Variants in NR6A1 observed in about 807,000 individuals in gnomAD.
NR6A1 encodes nuclear receptor subfamily 6 group A member 1.
Under a neutral mutation model 59.1 loss-of-function variants are expected in NR6A1, and 7 were observed. That is an observed-to-expected ratio of 0.12 (90% CI 0.07 to 0.22). The LOEUF (loss-of-function observed/expected upper bound fraction) is 0.22, where lower values mean the gene tolerates loss of function less well. Ranked by LOEUF, NR6A1 falls within the 10% of genes least tolerant of loss-of-function variation. The pLI is 1.00. For synonymous variants in NR6A1, 243 were observed against 236.1 expected, an observed-to-expected ratio of 1.03 and a Z score of -0.27; for missense variants, 468 against 611.6, an observed-to-expected ratio of 0.77 and a Z score of 2.48.
At chr9:124,579,884 C>T (rs1423194654) in intron 2 of NR6A1, among the ~76,000 whole-genome samples, 1 of 152,096 alleles carries the variant, frequency 6.6e-6, no homozygotes, top group African/African-American at 2.4e-5. Flanking sequence ...GTGGCGCGTG[C>T]CTGTAATCCA....
chr9:124,573,374 T>G (rs571633257), intron 2 of NR6A1, among the ~76,000 whole-genome samples: 1 of 152,322 alleles, frequency 6.6e-6, no homozygotes, highest in African/African-American at 2.4e-5. Flanking sequence ...ACCTCACAAC[T>G]ACATAACAGC....
intron 1 of NR6A1, among the ~76,000 whole-genome samples, chr9:124,739,220 A>C (rs1840108564): frequency 6.6e-6 from 1 of 151,850 alleles, no homozygotes; most frequent in African/African-American, 2.4e-5. Context: ...CGGCGAGGGT[A>C]TGGGTATGAA....
chr9:124,607,114 A>C (rs544579463), intron 2 of NR6A1: 40 of 152,340 alleles, frequency 2.6e-4, no homozygotes, highest in African/African-American at 9.4e-4. Flanking sequence ...CCATTCTCTC[A>C]AGCTCAGGAC....
rs1839134391 is a variant in NR6A1 at position 124,706,424 on chromosome 9, A to G, written c.142+26884T>C. On this transcript the variant is annotated intron_variant, in intron 2 of 9. Transcript: ENST00000487099. ...TGAAGAATTTCCTTTAGTATTTTAA[A>G]GCAGGTCCACTCACAATAAATTCTG... Among the ~76,000 whole-genome samples, 8 of 152,212 alleles carry G rather than the reference A, an allele frequency of 5.3e-5. No homozygotes were observed. In the South Asian group the frequency reaches 1.7e-3, roughly 32 times the overall value.
chr9:124,712,531 C>G (rs1239723994), intron 2 of NR6A1, among the ~76,000 whole-genome samples: 1 of 151,872 alleles, frequency 6.6e-6, no homozygotes, highest in Non-Finnish European at 1.5e-5. Context: ...TCGCCTGAAC[C>G]TGGGAGGCGA....
At chr9:124,526,716 G>A in intron 8 of NR6A1, 63 bp downstream of exon 8, 2 of 1,598,610 alleles carry the variant, frequency 1.3e-6, no homozygotes, top group Non-Finnish European at 1.7e-6. Context: ...GAAACAGGAG[G>A]GCAAATGCTC....
At chr9:124,640,037 T>C (rs1836726891) in intron 2 of NR6A1, among the ~76,000 whole-genome samples, 3 of 152,240 alleles carry the variant, frequency 2.0e-5, no homozygotes, top group Non-Finnish European at 2.9e-5. Flanking sequence ...ATTTTTAAAA[T>C]GCATAAAAAG....
intron 2 of NR6A1, among the ~76,000 whole-genome samples, chr9:124,720,978 T>TA (rs1839547512): frequency 6.6e-6 from 1 of 152,186 alleles, no homozygotes; most frequent in Admixed American, 6.5e-5. Context: ...AGCTTTTTTT[T>TA]AATAAAATAA....
chr9:124,569,391 A>C (rs1207718789), intron 2 of NR6A1, among the ~76,000 whole-genome samples: 1 of 152,236 alleles, frequency 6.6e-6, no homozygotes, highest in African/African-American at 2.4e-5. Context: ...AGGGCATTTT[A>C]CCCATTCCAA....
At chr9:124,683,557 G>T (rs1342875408) in intron 2 of NR6A1, among the ~76,000 whole-genome samples, 1 of 152,200 alleles carries the variant, frequency 6.6e-6, no homozygotes, top group Non-Finnish European at 1.5e-5. Flanking sequence ...ACTTTGGGAG[G>T]CCAAGGCAGG....
Position 124,599,092 on chromosome 9 carries a change from G to A in NR6A1, c.143-44522C>T, listed in dbSNP as rs186935553. 1.8e-5 allele frequency: 13 copies of A among 709,916 alleles called. No homozygotes were observed. The Admixed American group carries it at 2.2e-4, about 12-fold the overall frequency. The allele number at this position is 709,916 out of a possible 1,614,324, so 44.0% of individuals were successfully genotyped here. ...GCTTGACGTCACCAGTGCCTCGCTC[G>A]TTCCATTCTAGGAGACGGTTCTCTG... On this transcript the variant is annotated intron_variant, in intron 2 of 9. Coordinates refer to ENST00000487099, the MANE Select transcript of NR6A1 (RefSeq NM_033334.4).
At chr9:124,738,702 C>G (rs1203458385) in intron 1 of NR6A1, among the ~76,000 whole-genome samples, 1 of 151,976 alleles carries the variant, frequency 6.6e-6, no homozygotes, top group Non-Finnish European at 1.5e-5. Context: ...AACCCCATCC[C>G]TACTAAAAAT....
chr9:124,658,920 A>G (rs948148214), intron 2 of NR6A1, among the ~76,000 whole-genome samples: 6 of 152,192 alleles, frequency 3.9e-5, no homozygotes, highest in Admixed American at 3.9e-4. Context: ...TACACATCCC[A>G]TAACGCAGCT....
rs976768486 is a variant in NR6A1, at chr9:124,524,887, A to G, written c.1202-14T>C. 6.3e-7 allele frequency: 1 copy of G among 1,594,292 alleles called. No homozygotes were observed. The highest frequency in any genetic ancestry group is 1.1e-5 in the South Asian group (1 of 87,116). ...GACCCCTGATATCTGTGGAAAAAAAAAAAACACACACACACATACAGGGAA... is the reference window on the plus strand; with the variant it reads ...GACCCCTGATATCTGTGGAAAAAAAGAAAACACACACACACATACAGGGAA... On this transcript the variant is annotated splice_polypyrimidine_tract_variant and intron_variant, in intron 8 of 9. Transcript: ENST00000487099.
At chr9:124,719,863 G>A (rs1839515854) in intron 2 of NR6A1, among the ~76,000 whole-genome samples, 1 of 152,026 alleles carries the variant, frequency 6.6e-6, no homozygotes, top group Non-Finnish European at 1.5e-5. Flanking sequence ...CGAGGCTGCA[G>A]TGAGCCATGA....
At chr9:124,564,001 C>T (rs1453687840) in intron 2 of NR6A1, among the ~76,000 whole-genome samples, 2 of 151,994 alleles carry the variant, frequency 1.3e-5, no homozygotes, top group Non-Finnish European at 2.9e-5. Context: ...TCCCTTGAGC[C>T]CAGGAATTTA....
intron 2 of NR6A1, among the ~76,000 whole-genome samples, chr9:124,687,946 C>T (rs375221875): frequency 1.3e-5 from 2 of 152,252 alleles, no homozygotes; most frequent in South Asian, 4.1e-4. Context: ...TACATACATA[C>T]CTATGGCAAA....
chr9:124,718,189 C>G (rs924028815), intron 2 of NR6A1, among the ~76,000 whole-genome samples: 3 of 152,190 alleles, frequency 2.0e-5, no homozygotes, highest in Admixed American at 6.5e-5. Context: ...GTACCATGCA[C>G]CCATGCATTT....
intron 1 of NR6A1, among the ~76,000 whole-genome samples, chr9:124,750,216 A>C (rs16927621): frequency 0.01 from 1,540 of 152,332 alleles, 25 homozygotes; most frequent in African/African-American, 0.035. Context: ...ATAGTATTTA[A>C]GAGCCTAATG....
Sources: gnomAD v4.1 joint callset for allele counts (sites outside exome capture counted in the v4.1 genomes callset) on GRCh38, gnomAD v4.1.1 for gene constraint, MANE v1.5 for transcripts, NCBI Gene and HGNC (gene_info 2026-07-23, HGNC 2026-07-21) for gene names.